Variants in CNTNAP2 observed in about 807,000 individuals in gnomAD.
CNTNAP2 encodes contactin associated protein 2, also known as contactin-associated protein-like 2.
CNTNAP2 carries 98 observed loss-of-function variants against 155.2 expected under a neutral mutation model. The observed-to-expected ratio is 0.63, with a 90% CI of 0.54 to 0.75. CNTNAP2 has a LOEUF of 0.75. Among genes scored for constraint, CNTNAP2 ranks in the 30% least tolerant of loss-of-function variants. The probability of loss-of-function intolerance (pLI) is 0.00; values close to 1 mark genes in which losing one functional copy is unlikely to be tolerated. For synonymous variants in CNTNAP2, 651 were observed against 631.2 expected, an observed-to-expected ratio of 1.03 and a Z score of -0.47; for missense variants, 1,727 against 1,688.1, an observed-to-expected ratio of 1.02 and a Z score of -0.40.
chr7:146,510,936 A>G (rs1584957322), intron 1 of CNTNAP2, among the ~76,000 whole-genome samples: 1 of 151,924 alleles, frequency 6.6e-6, no homozygotes, highest in Non-Finnish European at 1.5e-5. Context: ...TCGCTCTGTC[A>G]CCCAGCCTGG....
intron 1 of CNTNAP2, among the ~76,000 whole-genome samples, chr7:146,385,930 A>G (rs1280799822): frequency 6.6e-6 from 1 of 152,192 alleles, no homozygotes; most frequent in Non-Finnish European, 1.5e-5. Context: ...ATGTGTTTCC[A>G]TTATTGAATT....
intron 1 of CNTNAP2, among the ~76,000 whole-genome samples, chr7:146,270,939 A>G (rs947336597): frequency 6.6e-6 from 1 of 152,146 alleles, no homozygotes; most frequent in Non-Finnish European, 1.5e-5. Flanking sequence ...CCAGAAAACT[A>G]TATAGAGTTA....
chr7:147,966,584 T>C (rs1801214119), intron 14 of CNTNAP2, among the ~76,000 whole-genome samples: 1 of 152,126 alleles, frequency 6.6e-6, no homozygotes, highest in Non-Finnish European at 1.5e-5. Flanking sequence ...CTGAGTGCCC[T>C]CTCTGTCCGT....
At chr7:148,392,189 T>C (rs1799366142) in intron 22 of CNTNAP2, among the ~76,000 whole-genome samples, 2 of 152,092 alleles carry the variant, frequency 1.3e-5, no homozygotes, top group Admixed American at 1.3e-4. Context: ...TTCTACTGCC[T>C]CGGCCTCCTG....
At chr7:146,360,171 T>G (rs2129100640) in intron 1 of CNTNAP2, among the ~76,000 whole-genome samples, 1 of 152,298 alleles carries the variant, frequency 6.6e-6, no homozygotes, top group African/African-American at 2.4e-5. Context: ...GTGTTAAGCC[T>G]TTCCAGTGTC....
chr7:146,642,969 G>A (rs1333182270), intron 1 of CNTNAP2, among the ~76,000 whole-genome samples: 2 of 148,958 alleles, frequency 1.3e-5, no homozygotes, highest in Non-Finnish European at 3.0e-5. Flanking sequence ...TTTGAGAAGT[G>A]TCTGTTCATG....
chr7:146,356,049 G>A (rs76585579), intron 1 of CNTNAP2, among the ~76,000 whole-genome samples: 3 of 118,604 alleles, frequency 2.5e-5, no homozygotes, highest in East Asian at 2.5e-4. Flanking sequence ...GTATACATAC[G>A]AATACACACA....
intron 3 of CNTNAP2, among the ~76,000 whole-genome samples, chr7:146,987,225 G>A (rs1798129010): frequency 6.6e-6 from 1 of 152,116 alleles, no homozygotes; most frequent in South Asian, 2.1e-4. Context: ...CTTAATTCTT[G>A]TGAAAAATGT....
intron 13 of CNTNAP2, among the ~76,000 whole-genome samples, chr7:147,838,081 T>C (rs1798662198): frequency 6.6e-6 from 1 of 152,218 alleles, no homozygotes; most frequent in Non-Finnish European, 1.5e-5. Flanking sequence ...CTCAATACCA[T>C]GTGGAAGCTG....
chr7:147,153,363 A>G (rs1052886729), intron 8 of CNTNAP2, among the ~76,000 whole-genome samples: 1 of 152,154 alleles, frequency 6.6e-6, no homozygotes, highest in Non-Finnish European at 1.5e-5. Context: ...TTAGAAGATG[A>G]CAAGTGAAAA....
intron 22 of CNTNAP2, among the ~76,000 whole-genome samples, chr7:148,400,160 C>T (rs1202606597): frequency 6.6e-6 from 1 of 152,196 alleles, no homozygotes; most frequent in Non-Finnish European, 1.5e-5. Flanking sequence ...GGTTCAGCAA[C>T]TTTTTCAAGG....
chr7:147,645,325 A>G (rs1795349161), intron 13 of CNTNAP2, among the ~76,000 whole-genome samples: 1 of 152,220 alleles, frequency 6.6e-6, no homozygotes, highest in African/African-American at 2.4e-5. Context: ...AAGAAGCTGC[A>G]GCATTTAACT....
chr7:148,318,109 G>A (rs1304384513), intron 21 of CNTNAP2, among the ~76,000 whole-genome samples: 1 of 152,102 alleles, frequency 6.6e-6, no homozygotes, highest in East Asian at 1.9e-4. Context: ...GCTTTTCTTG[G>A]GAGGTTGGCT....
chr7:146,897,810 G>A (rs142473235), intron 3 of CNTNAP2, among the ~76,000 whole-genome samples: 93 of 152,034 alleles, frequency 6.1e-4, no homozygotes, highest in African/African-American at 2.0e-3. Context: ...GACTATCAGA[G>A]ATATATTTGT....
intron 1 of CNTNAP2, among the ~76,000 whole-genome samples, chr7:146,261,322 G>T (rs538838505): frequency 1.3e-5 from 2 of 151,772 alleles, no homozygotes; most frequent in African/African-American, 4.8e-5. Flanking sequence ...GAATCACAAT[G>T]TTATGTGAAA....
chr7:147,149,082 C>T (rs1379149145), intron 8 of CNTNAP2, among the ~76,000 whole-genome samples: 5 of 152,182 alleles, frequency 3.3e-5, no homozygotes, highest in Non-Finnish European at 7.4e-5. Context: ...GCTCTTATTC[C>T]GTTATTTGAC....
At chr7:147,476,601 T>G (rs893564755) in intron 10 of CNTNAP2, among the ~76,000 whole-genome samples, 15 of 151,918 alleles carry the variant, frequency 9.9e-5, no homozygotes, top group Non-Finnish European at 1.6e-4. Context: ...CATAAACTTT[T>G]CCTAGTCTGC....
At chr7:147,441,850 T>TCTCTCC (rs1563205211) in intron 10 of CNTNAP2, among the ~76,000 whole-genome samples, 1 of 72,508 alleles carries the variant, frequency 1.4e-5, no homozygotes, top group Non-Finnish European at 3.1e-5. Context: ...TCTCTCTCTC[T>TCTCTCC]CCCTCCCTCC....
Position 147,492,878 on chromosome 7 carries a change from A to G in CNTNAP2, c.1777+6837A>G, listed in dbSNP as rs142967448. On this transcript the variant is annotated intron_variant, in intron 11 of 23. Transcript: ENST00000361727. The stretch of plus-strand genomic sequence containing the variant: ...CTCTCCGCCCCCGCTCCTCTGTGCT[A>G]TCTTGGTTTTGTGTTTTTAGACACG... Among the ~76,000 whole-genome samples the G allele has an allele frequency of 1.6e-3, 249 of 152,246 alleles. 1 individual carries two copies. The highest frequency in any genetic ancestry group is 5.7e-3 in the African/African-American group (238 of 41,534).
Sources: gnomAD v4.1 joint callset for allele counts (sites outside exome capture counted in the v4.1 genomes callset) on GRCh38, gnomAD v4.1.1 for gene constraint, MANE v1.5 for transcripts, NCBI Gene and HGNC (gene_info 2026-07-23, HGNC 2026-07-21) for gene names.